The following PARD3B variants were observed in gnomAD, a reference collection of about 807,000 sequenced individuals.
PARD3B encodes par-3 family cell polarity regulator beta.
A neutral mutation model predicts 130.2 loss-of-function variants in PARD3B; 103 were observed. That is an observed-to-expected ratio of 0.79 (90% CI 0.67 to 0.93). The LOEUF (loss-of-function observed/expected upper bound fraction) is 0.93, where lower values mean the gene tolerates loss of function less well. PARD3B is among the 40% of genes least tolerant of loss of function. PARD3B has a pLI of 0.00. For synonymous variants in PARD3B, 583 were observed against 553.2 expected (o/e 1.05, Z -0.76); for missense variants, 1,609 against 1,499.2 (o/e 1.07, Z -1.21).
At chr2:205,173,193 C>T (rs2035273013) in intron 12 of PARD3B, among the ~76,000 whole-genome samples, 1 of 152,046 alleles carries the variant, frequency 6.6e-6, no homozygotes, top group East Asian at 1.9e-4. Flanking sequence ...AAATAATATA[C>T]AAAATTTAAA....
chr2:204,549,945 A>G (rs1343401337), intron 1 of PARD3B, among the ~76,000 whole-genome samples: 1 of 152,128 alleles, frequency 6.6e-6, no homozygotes, highest in African/African-American at 2.4e-5. Flanking sequence ...ACAAACAAAT[A>G]AAAGCATGGA....
intron 10 of PARD3B, among the ~76,000 whole-genome samples, chr2:205,150,425 G>C (rs1035164235): frequency 1.3e-5 from 2 of 152,112 alleles, no homozygotes; most frequent in East Asian, 3.9e-4. Flanking sequence ...ACAAAATGCT[G>C]TCTGGCAAGA....
chr2:205,560,927 G>A (rs749021990), intron 22 of PARD3B, among the ~76,000 whole-genome samples: 7 of 152,230 alleles, frequency 4.6e-5, no homozygotes, highest in Middle Eastern at 3.4e-3. Flanking sequence ...GATTGTGTTC[G>A]TTTCAGAAGA....
intron 2 of PARD3B, among the ~76,000 whole-genome samples, chr2:204,802,537 C>A (rs1467105389): frequency 6.6e-6 from 1 of 152,148 alleles, no homozygotes; most frequent in Non-Finnish European, 1.5e-5. Context: ...AAGATACATG[C>A]ACATGTATGT....
At chr2:204,636,453 A>T (rs894048389) in intron 1 of PARD3B, among the ~76,000 whole-genome samples, 9 of 139,388 alleles carry the variant, frequency 6.5e-5, no homozygotes, top group East Asian at 2.1e-4. Flanking sequence ...AGGTCAGGTG[A>T]GTGTGTGTGT....
intron 2 of PARD3B, among the ~76,000 whole-genome samples, chr2:204,867,665 A>G (rs1015489608): frequency 2.0e-5 from 3 of 152,150 alleles, no homozygotes; most frequent in Admixed American, 1.3e-4. Context: ...TTGAAATTTG[A>G]TAACAGTAGT....
intron 18 of PARD3B, among the ~76,000 whole-genome samples, chr2:205,320,820 G>C (rs2042727355): frequency 2.0e-5 from 3 of 152,198 alleles, no homozygotes. Flanking sequence ...ATGGAAGAAA[G>C]TCTAGCTGGG....
chr2:205,125,786 A>C lies in PARD3B; in HGVS notation c.1434+49A>C. 6.2e-7 allele frequency: 1 copy of C among 1,604,362 alleles called. No individual in the cohort carries two copies. The highest frequency in any genetic ancestry group is 8.5e-7 in the Non-Finnish European group (1 of 1,173,850). ...CTGAATTTTTAATGCCGAGCTTAATACACTCAATGAACTCATTATAGCTGA... is the reference window on the plus strand; with the variant it reads ...CTGAATTTTTAATGCCGAGCTTAATCCACTCAATGAACTCATTATAGCTGA... On this transcript the variant is annotated intron_variant, in intron 10 of 22. Transcript: ENST00000406610. The surrounding 1 kb of genome is among the most constrained non-coding windows in gnomAD (Gnocchi z 4.0).
At chr2:204,842,522 A>G (rs888317613) in intron 2 of PARD3B, among the ~76,000 whole-genome samples, 3 of 152,146 alleles carry the variant, frequency 2.0e-5, no homozygotes, top group Non-Finnish European at 2.9e-5. Flanking sequence ...CTGTGCCAGA[A>G]AAAGAATGGA....
At chr2:205,478,463 A>T (rs1311587431) in intron 20 of PARD3B, among the ~76,000 whole-genome samples, 1 of 152,182 alleles carries the variant, frequency 6.6e-6, no homozygotes, top group Non-Finnish European at 1.5e-5. Flanking sequence ...CTGGGCAGCA[A>T]GCATATCTTA....
At chr2:204,747,058 T>C (rs1240355033) in intron 2 of PARD3B, among the ~76,000 whole-genome samples, 1 of 152,186 alleles carries the variant, frequency 6.6e-6, no homozygotes, top group Non-Finnish European at 1.5e-5. Context: ...TGCCCCTGCC[T>C]ATGTCCTGAA....
chr2:205,416,366 A>G (rs2046775506), intron 19 of PARD3B, among the ~76,000 whole-genome samples: 2 of 152,214 alleles, frequency 1.3e-5, no homozygotes, highest in South Asian at 4.1e-4. Context: ...GTATTATTTT[A>G]GTTAAATGAA....
intron 19 of PARD3B, among the ~76,000 whole-genome samples, chr2:205,417,535 C>T (rs1472706983): frequency 6.6e-6 from 1 of 152,172 alleles, no homozygotes; most frequent in Non-Finnish European, 1.5e-5. Context: ...AACTAGTTTA[C>T]ACTCCCACCA....
intron 1 of PARD3B, among the ~76,000 whole-genome samples, chr2:204,564,441 G>C (rs1412428912): frequency 6.6e-6 from 1 of 152,090 alleles, no homozygotes; most frequent in East Asian, 1.9e-4. Flanking sequence ...TTAATTTGTT[G>C]ATCCTAACAC....
At chr2:204,812,569 T>C (rs1055816965) in intron 2 of PARD3B, among the ~76,000 whole-genome samples, 3 of 152,192 alleles carry the variant, frequency 2.0e-5, no homozygotes, top group African/African-American at 4.8e-5. Context: ...GCTGTCTGCA[T>C]GCTCAGTGGC....
intron 2 of PARD3B, among the ~76,000 whole-genome samples, chr2:204,859,772 A>G (rs1327624879): frequency 6.6e-6 from 1 of 152,172 alleles, no homozygotes; most frequent in African/African-American, 2.4e-5. Flanking sequence ...TCTAGAAAGA[A>G]AAGCCCTAGA....
intron 1 of PARD3B, among the ~76,000 whole-genome samples, chr2:204,591,620 G>T (rs1047493095): frequency 2.6e-5 from 4 of 152,200 alleles, no homozygotes; most frequent in Admixed American, 1.3e-4. Context: ...TATAGTAGAA[G>T]AATGTCCTTT....
intron 4 of PARD3B, among the ~76,000 whole-genome samples, chr2:205,054,432 A>ATTTT (rs1276333044): frequency 1.6e-4 from 5 of 30,972 alleles, no homozygotes; most frequent in African/African-American, 6.1e-4. Context: ...ATATATATAT[A>ATTTT]TATATTTTTT....
chr2:204,682,763 C>T (rs1001897524), intron 1 of PARD3B, among the ~76,000 whole-genome samples: 2 of 152,146 alleles, frequency 1.3e-5, no homozygotes, highest in Non-Finnish European at 2.9e-5. Flanking sequence ...CCAAGTTTTC[C>T]CTTTCTTGTG....
Sources: gnomAD v4.1 joint callset for allele counts (sites outside exome capture counted in the v4.1 genomes callset) on GRCh38, gnomAD v4.1.1 for gene constraint, Gnocchi (gnomAD v3.1) non-coding constraint, MANE v1.5 for transcripts, NCBI Gene and HGNC (gene_info 2026-07-23, HGNC 2026-07-21) for gene names.